DCBLD2: variants seen among roughly 807,000 people sequenced by gnomAD.
The protein encoded by DCBLD2 is discoidin, CUB and LCCL domain-containing protein 2.
DCBLD2 carries 54 observed loss-of-function variants against 86.8 expected under a neutral mutation model. The observed-to-expected ratio is 0.62, with a 90% CI of 0.50 to 0.78. The LOEUF is 0.78. Among genes scored for constraint, DCBLD2 ranks in the 30% least tolerant of loss-of-function variants. The pLI is 0.00. For missense variants in DCBLD2, 908 were observed against 954.2 expected (o/e 0.95, Z 0.64); for synonymous variants, 354 against 341.3 (o/e 1.04, Z -0.41).
rs560028702 is a variant in DCBLD2 at position 98,849,585 on chromosome 3, A to T, written c.447T>A (p.Gly149=). 2.5e-6 allele frequency: 4 copies of T among 1,611,102 alleles called. No individual in the cohort carries two copies. The highest frequency in any genetic ancestry group is 1.3e-5 in the African/African-American group (1 of 75,022). ...VSRTEIGKYC[G]LGLQMNHSIE... The stretch of plus-strand genomic sequence containing the variant: ...TTGAATGGTTCATTTGCAACCCCAG[A>T]CCACAGTATTTGCCTAGGAATGAAA... Residue 149 remains glycine, a synonymous_variant, in exon 3 of 16, where the codon GGT becomes GGA. Coordinates refer to ENST00000326840, the MANE Select transcript of DCBLD2 (RefSeq NM_080927.4).
In DCBLD2 at chr3:98,800,561, A is replaced by G. The variant is rs1941700585; in HGVS notation, c.1858+18T>C. ...GTTTCTCCCTCTGCCTGGTACCAGA[A>G]GGCTGCAACATAGTTACCTGCAGAG... On this transcript the variant is annotated intron_variant, in intron 15 of 15. Coordinates refer to ENST00000326840, the MANE Select transcript of DCBLD2 (RefSeq NM_080927.4). 1 of 1,605,100 alleles carries G rather than the reference A, an allele frequency of 6.2e-7. No homozygotes were observed. The highest frequency in any genetic ancestry group is 1.7e-5 in the Admixed American group (1 of 59,128).
At chr3:98,806,984 C>A (rs1941851406) in intron 13 of DCBLD2, among the ~76,000 whole-genome samples, 1 of 152,182 alleles carries the variant, frequency 6.6e-6, no homozygotes, top group Admixed American at 6.5e-5. Context: ...CTCAGCCTCT[C>A]TCCTCTTCAA....
intron 1 of DCBLD2, among the ~76,000 whole-genome samples, chr3:98,888,179 A>AAATT (rs1396558907): frequency 6.6e-6 from 1 of 151,944 alleles, no homozygotes; most frequent in Non-Finnish European, 1.5e-5. Context: ...TTAATTTTTA[A>AAATT]AATACTGCAT....
chr3:98,833,631 G>T (rs1332880428), intron 3 of DCBLD2, among the ~76,000 whole-genome samples: 1 of 152,200 alleles, frequency 6.6e-6, no homozygotes, highest in Non-Finnish European at 1.5e-5. Flanking sequence ...GGTTGTGCTG[G>T]AGTCCCAGGT....
chr3:98,836,517 T>C lies in DCBLD2; in HGVS notation c.572-11151A>G, dbSNP rs192296169. Reference sequence around the variant, plus strand: ...TCTTTCTACACAGACACCGCAACCATCCGATTTCTCAATCTTTTCCCCACC... The same window carrying C: ...TCTTTCTACACAGACACCGCAACCACCCGATTTCTCAATCTTTTCCCCACC... On this transcript the variant is annotated intron_variant, in intron 3 of 15. Transcript: ENST00000326840. Among the ~76,000 whole-genome samples, 520 of 151,854 alleles carry C rather than the reference T, an allele frequency of 3.4e-3. 1 individual carries two copies. Among genetic ancestry groups the C allele is most frequent in the African/African-American group, 0.012 (498 of 41,372 alleles).
At chr3:98,825,923 A>T (rs530910511) in intron 3 of DCBLD2, among the ~76,000 whole-genome samples, 3 of 152,210 alleles carry the variant, frequency 2.0e-5, no homozygotes, top group Admixed American at 6.5e-5. Context: ...ATTTAGTAGA[A>T]ATTCAAATTC....
chr3:98,855,655 C>T (rs1216846846), intron 2 of DCBLD2, among the ~76,000 whole-genome samples: 1 of 152,180 alleles, frequency 6.6e-6, no homozygotes, highest in Non-Finnish European at 1.5e-5. Context: ...AACTGTAGCT[C>T]AGACAAAAGA....
At position 98,817,756 on chromosome 3, in the gene DCBLD2, G is replaced by C; in HGVS notation, c.1212+13C>G. 6.2e-7 allele frequency: 1 copy of C among 1,611,916 alleles called. No individual in the cohort carries two copies. Among genetic ancestry groups the C allele is most frequent in the Non-Finnish European group, 8.5e-7 (1 of 1,178,708 alleles). On this transcript the variant is annotated intron_variant, in intron 9 of 15. Coordinates refer to ENST00000326840, the MANE Select transcript of DCBLD2 (RefSeq NM_080927.4). ...AAAAATGTTTTTTAAAAATACCTTG[G>C]TAATCATTTTACCTTATCTTGCTCC...
rs750134421 is a variant in DCBLD2 at position 98,811,566 on chromosome 3, G to A, written c.1364-12C>T. ...TTTTGGAGGACGACCTTGAAAAATG[G>A]TTTAGAAAAATTTAAACATTTTGTT... On this transcript the variant is annotated splice_polypyrimidine_tract_variant and intron_variant, in intron 10 of 15. Coordinates refer to ENST00000326840, the MANE Select transcript of DCBLD2 (RefSeq NM_080927.4). 3.7e-5 allele frequency: 58 copies of A among 1,554,894 alleles called. No individual in the cohort carries two copies. The highest frequency in any genetic ancestry group is 5.0e-5 in the Non-Finnish European group (58 of 1,155,516).
At chr3:98,874,109 T>C (rs1219263403) in intron 2 of DCBLD2, among the ~76,000 whole-genome samples, 1 of 152,144 alleles carries the variant, frequency 6.6e-6, no homozygotes, top group African/African-American at 2.4e-5. Context: ...TAAGGAAGCA[T>C]CCTATCAAAA....
rs1941640208 is a variant in DCBLD2 at position 98,797,747 on chromosome 3, G to T, written c.*1625C>A. 6.6e-6 allele frequency: 1 copy of T among 152,188 alleles called. No homozygotes were observed. The highest frequency in any genetic ancestry group is 2.4e-5 in the African/African-American group (1 of 41,428). 9.4% of individuals were successfully genotyped at this position (152,188 alleles called of 1,614,324 possible). ...GTTCTCTTTCTGAAGCGATGTTTTAGAATACTGATATAATTCATGGAAACA... is the reference window on the plus strand; with the variant it reads ...GTTCTCTTTCTGAAGCGATGTTTTATAATACTGATATAATTCATGGAAACA... On this transcript the variant is annotated 3_prime_UTR_variant, in exon 16 of 16. Coordinates refer to ENST00000326840, the MANE Select transcript of DCBLD2 (RefSeq NM_080927.4).
chr3:98,825,477 A>C, intron 3 of DCBLD2, 111 bp from the exon 4 acceptor site: 17 of 771,278 alleles, frequency 2.2e-5, no homozygotes, highest in Non-Finnish European at 3.5e-5. Context: ...CAAAAATCTC[A>C]ATGGCACTGT....
In DCBLD2 at chr3:98,901,471, C is replaced by T. The variant is rs1943851332; in HGVS notation, c.-145G>A. On this transcript the variant is annotated 5_prime_UTR_variant, in exon 1 of 16. Coordinates refer to ENST00000326840, the MANE Select transcript of DCBLD2 (RefSeq NM_080927.4). Reference sequence around the variant, plus strand: ...CTCACCCCGCGCCGGGACCCTTCCGCCCCTCACCCCGCTTTCACCTACTCC... The same window carrying T: ...CTCACCCCGCGCCGGGACCCTTCCGTCCCTCACCCCGCTTTCACCTACTCC... The T allele has an allele frequency of 1.3e-6, 1 of 754,462 alleles. No homozygotes were observed. Among genetic ancestry groups the T allele is most frequent in the Non-Finnish European group, 1.8e-6 (1 of 554,492 alleles). The allele number at this position is 754,462 out of a possible 1,614,324, so 46.7% of individuals were successfully genotyped here. A position where few individuals can be genotyped will look rare whatever the true frequency, so the allele number is the denominator to read the frequency against.
At chr3:98,891,222 G>C (rs774861881) in intron 1 of DCBLD2, among the ~76,000 whole-genome samples, 1 of 151,476 alleles carries the variant, frequency 6.6e-6, no homozygotes, top group Admixed American at 6.6e-5. Context: ...GAGGGAGAGA[G>C]AGAGAGAGAG....
chr3:98,861,111 A>T (rs901020985), intron 2 of DCBLD2, among the ~76,000 whole-genome samples: 6 of 152,198 alleles, frequency 3.9e-5, no homozygotes, highest in African/African-American at 7.2e-5. Flanking sequence ...ACCAACAAAG[A>T]TTAAAAGAGA....
intron 2 of DCBLD2, among the ~76,000 whole-genome samples, chr3:98,853,887 A>G (rs1942884140): frequency 6.6e-6 from 1 of 152,272 alleles, no homozygotes; most frequent in East Asian, 1.9e-4. Flanking sequence ...GTTACTTGCT[A>G]GAACAAAAGC....
intron 3 of DCBLD2, among the ~76,000 whole-genome samples, chr3:98,838,661 C>A (rs913548117): frequency 2.1e-4 from 32 of 152,128 alleles, no homozygotes; most frequent in Non-Finnish European, 4.7e-4. Context: ...TGGGCAGAGG[C>A]TGCAATCTCG....
In DCBLD2 at chr3:98,797,046, A is replaced by C. The variant is rs1372918155; in HGVS notation, c.*2326T>G. The C allele has an allele frequency of 2.0e-5, 3 of 151,898 alleles. No individual in the cohort carries two copies. Among genetic ancestry groups the C allele is most frequent in the Non-Finnish European group, 4.4e-5 (3 of 67,870 alleles). 9.4% of individuals were successfully genotyped at this position (151,898 alleles called of 1,614,324 possible). A position where few individuals can be genotyped will look rare whatever the true frequency, so the allele number is the denominator to read the frequency against. ...GACATATAAATGTAGTAAAAAAAAAAAAAAAAAAAATAGAAAACCTCTACT... is the reference window on the plus strand; with the variant it reads ...GACATATAAATGTAGTAAAAAAAAACAAAAAAAAAATAGAAAACCTCTACT... On this transcript the variant is annotated 3_prime_UTR_variant, in exon 16 of 16. Coordinates refer to ENST00000326840, the MANE Select transcript of DCBLD2 (RefSeq NM_080927.4).
chr3:98,830,562 T>C (rs1020119357), intron 3 of DCBLD2, among the ~76,000 whole-genome samples: 1 of 152,222 alleles, frequency 6.6e-6, no homozygotes, highest in African/African-American at 2.4e-5. Flanking sequence ...TGTGGCCTTA[T>C]TTCTGTGCTC....
Sources: allele counts gnomAD v4.1 joint callset (sites outside exome capture counted in the v4.1 genomes callset), GRCh38; gene constraint gnomAD v4.1.1; transcripts MANE v1.5; gene names NCBI Gene and HGNC (gene_info 2026-07-23, HGNC 2026-07-21).